ATOSA: variants seen among roughly 807,000 people sequenced by gnomAD.
The protein encoded by ATOSA is atos homolog protein A.
chr15:52,685,838 G>T, the ATOSA span, among the ~76,000 whole-genome samples: 1 of 152,118 alleles, frequency 6.6e-6, no homozygotes, highest in Non-Finnish European at 1.5e-5. Context: ...CTCTGGAGTA[G>T]GTAGGCCTAC....
the ATOSA span, among the ~76,000 whole-genome samples, chr15:52,632,427 G>T: frequency 6.6e-6 from 1 of 152,106 alleles, no homozygotes. Flanking sequence ...CTTTTCTATG[G>T]AACTGTGATG....
At chr15:52,670,279 C>G in the ATOSA span, among the ~76,000 whole-genome samples, 1 of 152,152 alleles carries the variant, frequency 6.6e-6, no homozygotes, top group Admixed American at 6.5e-5. Context: ...TTCTTGTTAG[C>G]AGAGGAAACC....
chr15:52,629,411 G>A, the ATOSA span, among the ~76,000 whole-genome samples: 6 of 151,734 alleles, frequency 4.0e-5, no homozygotes, highest in African/African-American at 1.5e-4. Flanking sequence ...TACATTTTCT[G>A]GGTTTGGAAA....
chr15:52,595,157 C>T, the ATOSA span, among the ~76,000 whole-genome samples: 6 of 152,252 alleles, frequency 3.9e-5, no homozygotes, highest in East Asian at 3.9e-4. Flanking sequence ...TAAAGCTTTC[C>T]TCAATCCTTT....
chr15:52,586,527 G>C, the ATOSA span: 1 of 152,242 alleles, frequency 6.6e-6, no homozygotes, highest in Non-Finnish European at 1.5e-5. Context: ...ATTACGCTGG[G>C]TCAGATCTAG....
chr15:52,688,482 C>T, the ATOSA span, among the ~76,000 whole-genome samples: 1 of 150,260 alleles, frequency 6.7e-6, no homozygotes, highest in Non-Finnish European at 1.5e-5. Context: ...AATCATCCAT[C>T]CTCCTCAGAA....
the ATOSA span, among the ~76,000 whole-genome samples, chr15:52,598,027 G>A: frequency 6.6e-6 from 1 of 152,138 alleles, no homozygotes; most frequent in Non-Finnish European, 1.5e-5. Flanking sequence ...GGGAGGCTGA[G>A]GCAGGAGAAC....
At chr15:52,622,573 A>G in the ATOSA span, among the ~76,000 whole-genome samples, 1 of 152,230 alleles carries the variant, frequency 6.6e-6, no homozygotes, top group Non-Finnish European at 1.5e-5. Context: ...GATGCTAAGT[A>G]CTATGCCATA....
the ATOSA span, among the ~76,000 whole-genome samples, chr15:52,588,952 G>A: frequency 6.6e-6 from 1 of 152,144 alleles, no homozygotes; most frequent in African/African-American, 2.4e-5. Context: ...TGTTGGGTTC[G>A]GAAGTTGGAC....
chr15:52,586,990 C>T, the ATOSA span: 4 of 1,426,074 alleles, frequency 2.8e-6, no homozygotes, highest in Non-Finnish European at 3.7e-6. Context: ...TGGAGGTCCC[C>T]AAATGGTCAT....
At chr15:52,628,380 T>C in the ATOSA span, among the ~76,000 whole-genome samples, 12 of 152,330 alleles carry the variant, frequency 7.9e-5, no homozygotes, top group South Asian at 4.1e-4. Context: ...ACACAGAAGA[T>C]GCTCCTCTGA....
At chr15:52,634,726 C>G in the ATOSA span, among the ~76,000 whole-genome samples, 2 of 151,906 alleles carry the variant, frequency 1.3e-5, no homozygotes, top group African/African-American at 4.8e-5. Flanking sequence ...CTCAGCCTCC[C>G]GAGCACCTGG....
At chr15:52,683,213 T>A in the ATOSA span, among the ~76,000 whole-genome samples, 1 of 152,166 alleles carries the variant, frequency 6.6e-6, no homozygotes, top group East Asian at 1.9e-4. Flanking sequence ...GCATTTTACA[T>A]ATATATTTGA....
the ATOSA span, among the ~76,000 whole-genome samples, chr15:52,699,398 T>G: frequency 6.6e-6 from 1 of 151,922 alleles, no homozygotes; most frequent in African/African-American, 2.4e-5. Context: ...GTATATATGG[T>G]CATCCTTGAT....
At chr15:52,585,000 C>A in the ATOSA span, 1 of 1,419,974 alleles carries the variant, frequency 7.0e-7, no homozygotes, top group South Asian at 1.3e-5. Context: ...TGATGTGATT[C>A]AGAATGATTG....
chr15:52,608,768 G>C, the ATOSA span: 4 of 1,607,276 alleles, frequency 2.5e-6, no homozygotes, highest in South Asian at 4.5e-5. Context: ...TGAGTATTTT[G>C]CTCACATGTC....
chr15:52,653,403 T>C, the ATOSA span, among the ~76,000 whole-genome samples: 2 of 152,152 alleles, frequency 1.3e-5, no homozygotes, highest in Non-Finnish European at 2.9e-5. Context: ...AAGAGGCTTA[T>C]TGCTTTAAAG....
the ATOSA span, among the ~76,000 whole-genome samples, chr15:52,624,451 A>ATGAATTTCACCTCCTCATGGG: frequency 6.6e-6 from 1 of 152,228 alleles, no homozygotes; most frequent in Non-Finnish European, 1.5e-5. Context: ...ACCAAAGGTC[A>ATGAATTTCACCTCCTCATGGG]TGAATTTCAC....
At chr15:52,602,132 T>C in the ATOSA span, among the ~76,000 whole-genome samples, 265 of 152,350 alleles carry the variant, frequency 1.7e-3, no homozygotes, top group African/African-American at 6.1e-3. Flanking sequence ...TTGTGCTTCA[T>C]TCTAGGTGCT....
Sources: allele counts gnomAD v4.1 joint callset (sites outside exome capture counted in the v4.1 genomes callset), GRCh38; gene constraint gnomAD v4.1.1; transcripts MANE v1.5; gene names NCBI Gene and HGNC (gene_info 2026-07-23, HGNC 2026-07-21).